Variants in CACNA1H observed in about 807,000 individuals in gnomAD.
The protein encoded by CACNA1H is voltage-dependent T-type calcium channel subunit alpha-1H.
In CACNA1H, 149 loss-of-function variants were observed where a neutral mutation model predicts 192.5. The observed-to-expected ratio is 0.77, with a 90% CI of 0.68 to 0.89. The LOEUF (loss-of-function observed/expected upper bound fraction) is 0.89. CACNA1H is among the 40% of genes least tolerant of loss of function. The probability of loss-of-function intolerance (pLI) is 0.00; values close to 1 mark genes in which losing one functional copy is unlikely to be tolerated. For synonymous variants in CACNA1H, 2,202 were observed against 1,475.2 expected (o/e 1.49, Z -11.29); for missense variants, 4,257 against 3,423.5 (o/e 1.24, Z -6.08).
chr16:1,166,563 G>C (rs1012458245), intron 2 of CACNA1H, among the ~76,000 whole-genome samples: 1 of 152,116 alleles, frequency 6.6e-6, no homozygotes, highest in African/African-American at 2.4e-5. Context: ...CCCCAGCAGC[G>C]ATGGGTTCCA....
chr16:1,184,315 C>T (rs769274234), intron 2 of CACNA1H, among the ~76,000 whole-genome samples: 1 of 151,050 alleles, frequency 6.6e-6, no homozygotes, highest in African/African-American at 2.4e-5. Context: ...AGGCAGAGGC[C>T]AGAGGCCGGA....
In CACNA1H at chr16:1,195,007, T is replaced by C; in HGVS notation, c.335T>C (p.Leu112Pro). 1 of 1,612,148 alleles carries C rather than the reference T, an allele frequency of 6.2e-7. No individual in the cohort carries two copies. The highest frequency in any genetic ancestry group is 8.5e-7 in the Non-Finnish European group (1 of 1,179,454). The change falls in exon 3 of 35, where the codon CTC becomes CCC. Residue 112 changes from leucine to proline, a missense_variant. Transcript: ENST00000348261. ...CACGTGAGCATGCTGGTAATCATGC[T>C]CAACTGCGTGACCCTGGGCATGTTC... ...FEHVSMLVIM[L>P]NCVTLGMFRP...
chr16:1,170,227 C>T (rs540806386), intron 2 of CACNA1H, among the ~76,000 whole-genome samples: 1 of 152,264 alleles, frequency 6.6e-6, no homozygotes, highest in African/African-American at 2.4e-5. Flanking sequence ...CTCAGCCCAC[C>T]CTGTTCCCAC....
chr16:1,210,353 C>CCCCCCCCCCCCCA lies in CACNA1H; in HGVS notation c.3846-17_3846-16insCCCCCCCCCCCCA. 1 of 1,276,660 alleles carries CCCCCCCCCCCCCA rather than the reference C, an allele frequency of 7.8e-7. No homozygotes were observed. Among genetic ancestry groups the CCCCCCCCCCCCCA allele is most frequent in the Non-Finnish European group, 1.1e-6 (1 of 929,080 alleles). 79.1% of individuals were successfully genotyped at this position (1,276,660 alleles called of 1,614,324 possible). On this transcript the variant is annotated splice_polypyrimidine_tract_variant and intron_variant, in intron 18 of 34. Transcript: ENST00000348261. ...ACGCCGCCCCGCCCCACCTCTCACC[C>CCCCCCCCCCCCCA]GCCCCCGCCCACCCAGGTTCCGCGT...
In CACNA1H at chr16:1,215,350, C is replaced by A; in HGVS notation, c.5148C>A (p.Ile1716=). The A allele has an allele frequency of 6.2e-7, 1 of 1,611,858 alleles. No homozygotes were observed. The change falls in exon 29 of 35, where the codon ATC becomes ATA. Residue 1716 remains isoleucine, a synonymous_variant. Transcript: ENST00000348261. ...CCATCAACCCCACCATCATCCGCAT[C>A]ATGCGCGTGCTTCGCATTGCCCGTG... ...ALPINPTIIR[I]MRVLRIARVL... is the part of the protein sequence containing the mutation.
chr16:1,154,017 C>T lies in CACNA1H; in HGVS notation c.280C>T (p.Leu94Phe), dbSNP rs753718656. ...GACCACGCGGCCGCGCAGCTGGTGC[C>T]TCCGGCTGGTCTGCAACCCATATCC... ...GQTTRPRSWC[L>F]RLVCNPWFEH... The change falls in exon 2 of 35, where the codon CTC (leucine) becomes TTC (phenylalanine). Residue 94 changes from leucine to phenylalanine, a missense_variant. Physicochemically the swap from Leu to Phe is conservative, Grantham distance 22 (BLOSUM62 0). Transcript: ENST00000348261. The T allele has an allele frequency of 4.3e-6, 6 of 1,406,850 alleles. No homozygotes were observed. Among genetic ancestry groups the T allele is most frequent in the African/African-American group, 3.0e-5 (2 of 66,562 alleles). The allele number at this position is 1,406,850 out of a possible 1,614,324, so 87.1% of individuals were successfully genotyped here. A position where few individuals can be genotyped will look rare whatever the true frequency, so the allele number is the denominator to read the frequency against.
chr16:1,154,953 T>TG (rs1310104323), intron 2 of CACNA1H, among the ~76,000 whole-genome samples: 1 of 152,070 alleles, frequency 6.6e-6, no homozygotes, highest in Non-Finnish European at 1.5e-5. Context: ...AGCCGGCAGC[T>TG]GGGGTGGCCA....
At position 1,199,066 on chromosome 16, in the gene CACNA1H, C is replaced by G. The variant is rs1339666286; in HGVS notation, c.803+292C>G. 39 of 260,386 alleles carry G rather than the reference C, an allele frequency of 1.5e-4. 1 individual carries two copies. Among genetic ancestry groups the G allele is most frequent in the South Asian group, 1.2e-3 (36 of 30,880 alleles). 16.1% of individuals were successfully genotyped at this position (260,386 alleles called of 1,614,324 possible). A position where few individuals can be genotyped will look rare whatever the true frequency, so the allele number is the denominator to read the frequency against. On this transcript the variant is annotated intron_variant, in intron 6 of 34. Coordinates refer to ENST00000348261, the MANE Select transcript of CACNA1H (RefSeq NM_021098.3). ...CTCCGCCCACCGCGCAGTCGCTGCA[C>G]ATATGCCCCACCCCCCACCATGGCT... is the stretch of plus-strand genomic sequence containing the variant.
At chr16:1,206,334 G>C in intron 12 of CACNA1H, 45 bp downstream of exon 12, 4 of 1,526,280 alleles carry the variant, frequency 2.6e-6, no homozygotes, top group Non-Finnish European at 3.5e-6. Context: ...CTCACCCCAG[G>C]GCAGCTGGGA....
intron 2 of CACNA1H, among the ~76,000 whole-genome samples, chr16:1,175,636 G>C (rs1277828411): frequency 6.6e-6 from 1 of 152,254 alleles, no homozygotes; most frequent in African/African-American, 2.4e-5. Flanking sequence ...TCATGTCCGA[G>C]AATCTGAAGC....
Position 1,195,519 on chromosome 16 carries a change from C to T in CACNA1H, c.499C>T (p.Leu167=), listed in dbSNP as rs773672916. Residue 167 remains leucine, a synonymous_variant, in exon 4 of 35, where the codon CTG becomes TTG. Coordinates refer to ENST00000348261, the MANE Select transcript of CACNA1H (RefSeq NM_021098.3). ...GGGGCTGTTCGGGCAGAAGTGTTAC[C>T]TGGGTGACACGTGGAACAGGCTGGA... ...ALGLFGQKCY[L]GDTWNRLDFF... 5 of 1,604,540 alleles carry T rather than the reference C, an allele frequency of 3.1e-6. No homozygotes were observed. The highest frequency in any genetic ancestry group is 2.3e-5 in the South Asian group (2 of 88,826).
chr16:1,191,300 TACTC>T (rs1441218429), intron 2 of CACNA1H, among the ~76,000 whole-genome samples: 2 of 51,286 alleles, frequency 3.9e-5, no homozygotes, highest in Non-Finnish European at 6.7e-5. Flanking sequence ...GGGTCTCTCT[TACTC>T]AGCAGGCTGG....
At chr16:1,164,217 A>T (rs1963517522) in intron 2 of CACNA1H, among the ~76,000 whole-genome samples, 1 of 152,206 alleles carries the variant, frequency 6.6e-6, no homozygotes, top group Non-Finnish European at 1.5e-5. Context: ...TCTTAGGGTG[A>T]GGGGTGTCCA....
Position 1,216,955 on chromosome 16 carries a change from C to T in CACNA1H, c.5268C>T (p.Phe1756=), listed in dbSNP as rs1309047669. The stretch of plus-strand genomic sequence containing the variant: ...AGGTGGGGAACCTGGGCCTTCTTTT[C>T]ATGCTCCTGTTTTTTATCTATGCTG... ...LPQVGNLGLL[F]MLLFFIYAAL... Residue 1756 remains phenylalanine, a synonymous_variant, in exon 31 of 35, where the codon TTC becomes TTT. Transcript: ENST00000348261. 3.7e-6 allele frequency: 6 copies of T among 1,605,206 alleles called. No homozygotes were observed. The highest frequency in any genetic ancestry group is 1.7e-4 in the Middle Eastern group (1 of 6,052).
rs758798757 is a variant in CACNA1H at position 1,211,817 on chromosome 16, C to T, written c.4566+12C>T. On this transcript the variant is annotated intron_variant, in intron 24 of 34. Transcript: ENST00000348261. Reference sequence around the variant, plus strand: ...GTGTCGACCAGCAGGTGCGCACAGGCGGGTCGAGCTGGGTCACCTCAGGGT... The same window carrying T: ...GTGTCGACCAGCAGGTGCGCACAGGTGGGTCGAGCTGGGTCACCTCAGGGT... The T allele has an allele frequency of 1.9e-6, 3 of 1,611,818 alleles. No homozygotes were observed. The highest frequency in any genetic ancestry group is 8.5e-7 in the Non-Finnish European group (1 of 1,179,470).
intron 30 of CACNA1H, among the ~76,000 whole-genome samples, chr16:1,216,460 G>A (rs563862517): frequency 3.5e-4 from 54 of 152,354 alleles, no homozygotes; most frequent in African/African-American, 1.2e-3. Context: ...GAGAGCCGTG[G>A]CAGGGGAGGG....
In CACNA1H at chr16:1,219,126, G is replaced by A. The variant is rs1450150367; in HGVS notation, c.6044G>A (p.Arg2015Lys). The A allele has an allele frequency of 3.9e-6, 6 of 1,536,710 alleles. No homozygotes were observed. Among genetic ancestry groups the A allele is most frequent in the Non-Finnish European group, 5.3e-6 (6 of 1,139,580 alleles). Residue 2015 changes from arginine (R) to lysine (K), a missense_variant, in exon 34 of 35, where the codon AGA becomes AAA. By Grantham distance (26) the Arg-to-Lys change is conservative. Coordinates refer to ENST00000348261, the MANE Select transcript of CACNA1H (RefSeq NM_021098.3). Reference protein sequence around the residue: ...RSPSLSRLLCRQEAVHTDSLE... With the variant: ...RSPSLSRLLCKQEAVHTDSLE... Reference sequence around the variant, plus strand: ...CCCAGTCTCAGCCGGCTGCTCTGCAGACAGGTAGGAGAAGCCGTTGGCCTG... The same window carrying A: ...CCCAGTCTCAGCCGGCTGCTCTGCAAACAGGTAGGAGAAGCCGTTGGCCTG...
In CACNA1H at chr16:1,220,643, C is replaced by G; in HGVS notation, c.6711C>G (p.Gly2237=). Residue 2237 remains glycine (G), a synonymous_variant, in exon 35 of 35, where the codon GGC becomes GGG. Transcript: ENST00000348261. The part of the protein sequence containing the change: ...PHRDSLEPTE[G]SGAGGDPAAK... ...GGGACTCCCTGGAGCCCACAGAGGG[C>G]TCAGGCGCCGGGGGGGACCCTGCAG... 6.2e-7 allele frequency: 1 copy of G among 1,603,084 alleles called. No individual in the cohort carries two copies. The highest frequency in any genetic ancestry group is 8.5e-7 in the Non-Finnish European group (1 of 1,175,234).
intron 2 of CACNA1H, among the ~76,000 whole-genome samples, chr16:1,154,442 C>T (rs1340753840): frequency 6.6e-6 from 1 of 152,276 alleles, no homozygotes; most frequent in African/African-American, 2.4e-5. Context: ...AGGCAGGCCC[C>T]TCGCGGGGGA....
Sources: gnomAD v4.1 joint callset for allele counts (sites outside exome capture counted in the v4.1 genomes callset) on GRCh38, gnomAD v4.1.1 for gene constraint, MANE v1.5 for transcripts, NCBI Gene and HGNC (gene_info 2026-07-23, HGNC 2026-07-21) for gene names.